The following MARCO variants were observed in gnomAD, a reference collection of about 807,000 sequenced individuals.
MARCO encodes the protein macrophage receptor with collagenous structure.
A neutral mutation model predicts 70.0 loss-of-function variants in MARCO; 72 were observed. The ratio of observed to expected loss-of-function variants is 1.03; its 90% CI spans 0.85 to 1.25. The LOEUF (loss-of-function observed/expected upper bound fraction) is 1.25, where lower values mean the gene tolerates loss of function less well. Ranked by LOEUF, MARCO falls within the 50% of genes most tolerant of loss-of-function variation. MARCO has a pLI of 0.00. For synonymous variants in MARCO, 273 were observed against 243.1 expected (o/e 1.12, Z -1.14); for missense variants, 696 against 659.3 (o/e 1.06, Z -0.61).
chr2:118,974,610 C>A, intron 6 of MARCO, 45 bp downstream of exon 6: 1 of 1,571,210 alleles, frequency 6.4e-7, no homozygotes, highest in Non-Finnish European at 8.7e-7. Context: ...CAGCAAGTTT[C>A]TCAGAGTGAC....
intron 13 of MARCO, 62 bp from the exon 14 acceptor site, chr2:118,991,715 C>G (rs1680624570): frequency 1.1e-6 from 1 of 951,650 alleles, no homozygotes; most frequent in Non-Finnish European, 1.6e-6. Context: ...CAGTAATGCC[C>G]TTGGGTCTCT....
At position 118,974,445 on chromosome 2, in the gene MARCO, G is replaced by C. The variant is rs202132010; in HGVS notation, c.568+5G>C. 4 of 1,612,366 alleles carry C rather than the reference G, an allele frequency of 2.5e-6. No individual in the cohort carries two copies. Among genetic ancestry groups the C allele is most frequent in the East Asian group, 2.2e-5 (1 of 44,840 alleles). On this transcript the variant is annotated splice_donor_5th_base_variant and intron_variant, in intron 5 of 16. Coordinates refer to ENST00000327097, the MANE Select transcript of MARCO (RefSeq NM_006770.4). ...TGGGACGAGATGGAGCAACAGGTAC[G>C]GGTCTTTTTCTTCTGACCCTTAATC...
intron 8 of MARCO, 39 bp downstream of exon 8, chr2:118,977,974 G>A: frequency 2.1e-6 from 3 of 1,431,500 alleles, no homozygotes; most frequent in South Asian, 2.5e-5. Flanking sequence ...TTGCCAGGAG[G>A]CCTGAGGGAA....
chr2:118,945,390 G>A (rs533138804), intron 1 of MARCO, among the ~76,000 whole-genome samples: 175 of 149,430 alleles, frequency 1.2e-3, no homozygotes, highest in African/African-American at 3.7e-3. Flanking sequence ...GTGATCTGTC[G>A]GAACCTCTTG....
At chr2:118,964,226 T>C (rs1218048922) in intron 1 of MARCO, among the ~76,000 whole-genome samples, 1 of 152,206 alleles carries the variant, frequency 6.6e-6, no homozygotes, top group Non-Finnish European at 1.5e-5. Context: ...CATCAGGTGG[T>C]ATAATTTTTG....
chr2:118,971,667 G>A (rs1197718980), intron 4 of MARCO, 133 bp downstream of exon 4: 1 of 834,068 alleles, frequency 1.2e-6, no homozygotes, highest in Non-Finnish European at 1.9e-6. Flanking sequence ...AGCCTCCTTT[G>A]TCTTCAGTTG....
chr2:118,961,077 T>C (rs1214702875), intron 1 of MARCO, among the ~76,000 whole-genome samples: 1 of 152,216 alleles, frequency 6.6e-6, no homozygotes, highest in Non-Finnish European at 1.5e-5. Context: ...TCTCATTCCT[T>C]TTCATGGCTG....
At chr2:118,960,760 G>C (rs1031847568) in intron 1 of MARCO, among the ~76,000 whole-genome samples, 1 of 151,928 alleles carries the variant, frequency 6.6e-6, no homozygotes, top group Admixed American at 6.6e-5. Context: ...AAGTTCCAGA[G>C]TACATGTGCA....
chr2:118,992,282 A>G (rs3765035), intron 14 of MARCO, 150 bp from the exon 15 acceptor site: 394,215 of 641,724 alleles, frequency 0.61, 122,966 homozygotes, highest in Non-Finnish European at 0.64. Flanking sequence ...CCCGCAGGAC[A>G]TCCCATCCCC....
intron 1 of MARCO, 150 bp from the exon 2 acceptor site, chr2:118,969,010 G>C (rs1680109647): frequency 1.6e-6 from 1 of 633,668 alleles, no homozygotes; most frequent in Admixed American, 2.6e-5. Flanking sequence ...GAGGATTGGG[G>C]GATGATTTGG....
In MARCO at chr2:118,974,430, T is replaced by C. The variant is rs766867777; in HGVS notation, c.558T>C (p.Asp186=). The change falls in exon 5 of 17, where the codon GAT becomes GAC. Residue 186 remains aspartate (D), a synonymous_variant. Transcript: ENST00000327097. ...GAGCCAAGGGGGCTATGGGACGAGA[T>C]GGAGCAACAGGTACGGGTCTTTTTC... ...EKGAKGAMGR[D]GATGPSGPQG... 1.2e-6 allele frequency: 2 copies of C among 1,612,954 alleles called. No individual in the cohort carries two copies. The highest frequency in any genetic ancestry group is 1.7e-6 in the Non-Finnish European group (2 of 1,179,610).
Position 118,970,126 on chromosome 2 carries a change from A to T in MARCO, c.212A>T (p.Gln71Leu). ...GLLVVQVLNL[Q>L]ARLRVLEMYF... ...GGGTGGGGCCCAGTTCTGAATCTGC[A>T]GGCGCGGCTCCGGGTCCTGGAGATG... The change falls in exon 3 of 17, where the codon CAG (glutamine) becomes CTG (leucine). Residue 71 changes from glutamine to leucine, a missense_variant. This residue lies in a region of MARCO where 605 missense variants were observed against 537.6 expected (regional missense o/e 1.13). Transcript: ENST00000327097. 1.9e-6 allele frequency: 3 copies of T among 1,614,002 alleles called. No individual in the cohort carries two copies. The highest frequency in any genetic ancestry group is 3.3e-5 in the Admixed American group (2 of 60,024).
intron 1 of MARCO, among the ~76,000 whole-genome samples, chr2:118,953,204 G>T (rs192845576): frequency 3.2e-4 from 49 of 152,308 alleles, no homozygotes; most frequent in African/African-American, 1.0e-3. Context: ...ATAAGGAAGG[G>T]GCATAGGCTG....
At chr2:118,985,269 T>G (rs754583960) in intron 12 of MARCO, among the ~76,000 whole-genome samples, 20 of 151,976 alleles carry the variant, frequency 1.3e-4, no homozygotes, top group Non-Finnish European at 2.6e-4. Flanking sequence ...GAACGTAGAG[T>G]GTATGATTTG....
chr2:118,982,450 G>A (rs762619527), intron 12 of MARCO, 40 bp downstream of exon 12: 8 of 1,587,970 alleles, frequency 5.0e-6, no homozygotes, highest in Non-Finnish European at 6.1e-6. Context: ...GGGCTTGCTG[G>A]GTGGCAGGAT....
intron 1 of MARCO, among the ~76,000 whole-genome samples, chr2:118,947,236 G>A (rs1679617958): frequency 6.6e-6 from 1 of 152,034 alleles, no homozygotes; most frequent in Admixed American, 6.6e-5. Flanking sequence ...GAGTTCTTTA[G>A]CCCTTGTTGG....
rs1177542630 is a variant in MARCO, at chr2:118,981,419, G to C, written c.777G>C (p.Gly259=). The change falls in exon 9 of 17, where the codon GGG becomes GGC. Residue 259 remains glycine, a synonymous_variant. Transcript: ENST00000327097. The part of the protein sequence containing the change: ...KGDLGLPGSK[G]DRGMKGDAGV... The stretch of plus-strand genomic sequence containing the variant: ...TTTTTGGTTTTTCAGGAAGCAAAGG[G>C]GACAGGGGCATGAAAGGAGATGCAG... 3 of 1,600,698 alleles carry C rather than the reference G, an allele frequency of 1.9e-6. No individual in the cohort carries two copies. The highest frequency in any genetic ancestry group is 2.5e-6 in the Non-Finnish European group (3 of 1,176,844).
At chr2:118,949,981 T>G (rs1049363802) in intron 1 of MARCO, 3 of 152,190 alleles carry the variant, frequency 2.0e-5, no homozygotes, top group African/African-American at 2.4e-5. Flanking sequence ...TTCTAAGAAA[T>G]TGATCTTTTG....
chr2:118,950,347 C>T (rs1179490495), intron 1 of MARCO, among the ~76,000 whole-genome samples: 1 of 152,064 alleles, frequency 6.6e-6, no homozygotes, highest in Non-Finnish European at 1.5e-5. Context: ...ATTTTAATAT[C>T]CAGTTCACAG....
Sources: gnomAD v4.1 joint callset for allele counts (sites outside exome capture counted in the v4.1 genomes callset) on GRCh38, gnomAD v4.1.1 for gene constraint, gnomAD v4.1.1 regional missense constraint, MANE v1.5 for transcripts, NCBI Gene and HGNC (gene_info 2026-07-23, HGNC 2026-07-21) for gene names.